NRG1: variants seen among roughly 807,000 people sequenced by gnomAD.
NRG1 encodes pro-neuregulin-1, membrane-bound isoform.
Under a neutral mutation model 63.8 loss-of-function variants are expected in NRG1, and 18 were observed. The observed-to-expected ratio is 0.28, with a 90% CI of 0.19 to 0.42. NRG1 has a LOEUF of 0.42. NRG1 is among the 10% of genes least tolerant of loss of function. The pLI is 1.00. For missense variants in NRG1, 762 were observed against 814.7 expected (o/e 0.94, Z 0.79); for synonymous variants, 302 against 301.3 (o/e 1.00, Z -0.02).
chr8:32,514,995 T>G (rs1379701180), intron 1 of NRG1, among the ~76,000 whole-genome samples: 1 of 87,744 alleles, frequency 1.1e-5, no homozygotes, highest in Non-Finnish European at 2.2e-5. Flanking sequence ...GGTGTATACA[T>G]ATCACATTTT....
chr8:31,851,765 C>G (rs1319900407), intron 1 of NRG1, among the ~76,000 whole-genome samples: 2 of 121,788 alleles, frequency 1.6e-5, no homozygotes, highest in Non-Finnish European at 3.3e-5. Flanking sequence ...CCCCTCCCCC[C>G]ACCCCACAAC....
chr8:31,968,928 A>G (rs1806827789), intron 1 of NRG1, among the ~76,000 whole-genome samples: 1 of 152,230 alleles, frequency 6.6e-6, no homozygotes, highest in Non-Finnish European at 1.5e-5. Context: ...GTAAGAATGC[A>G]GGTCTCTATG....
intron 2 of NRG1, among the ~76,000 whole-genome samples, chr8:32,604,719 C>T (rs2129539330): frequency 6.6e-6 from 1 of 152,192 alleles, no homozygotes; most frequent in Admixed American, 6.5e-5. Context: ...AGGGGCATGC[C>T]ACCACACCAG....
intron 5 of NRG1, among the ~76,000 whole-genome samples, chr8:32,662,782 G>A (rs910576683): frequency 6.6e-6 from 1 of 152,142 alleles, no homozygotes; most frequent in African/African-American, 2.4e-5. Context: ...GTAGTTGAAA[G>A]GATACGGTTA....
chr8:32,630,753 A>G (rs1387616141), intron 5 of NRG1, among the ~76,000 whole-genome samples: 1 of 148,672 alleles, frequency 6.7e-6, no homozygotes, highest in Admixed American at 6.7e-5. Flanking sequence ...TTCAGGCAAG[A>G]TGGCATTCTC....
intron 1 of NRG1, among the ~76,000 whole-genome samples, chr8:32,392,251 C>A (rs1365295075): frequency 3.3e-5 from 5 of 152,168 alleles, no homozygotes; most frequent in African/African-American, 1.2e-4. Flanking sequence ...CTGACAGCAG[C>A]TTGAGACAGG....
chr8:31,852,391 G>T (rs1827335865), intron 1 of NRG1, among the ~76,000 whole-genome samples: 1 of 151,944 alleles, frequency 6.6e-6, no homozygotes, highest in Non-Finnish European at 1.5e-5. Context: ...GTGTTTTTTG[G>T]CTGCATAAAT....
chr8:31,659,746 T>A (rs553362954), intron 1 of NRG1, among the ~76,000 whole-genome samples: 1 of 152,342 alleles, frequency 6.6e-6, no homozygotes, highest in East Asian at 1.9e-4. Context: ...TCTTGCTGCA[T>A]GCTCTGTGGA....
In NRG1 at chr8:32,097,540, C is replaced by G. The variant is rs150064854; in HGVS notation, c.37+458109C>G. On this transcript the variant is annotated intron_variant, in intron 1 of 10. Coordinates refer to the NRG1 transcript ENST00000519301. ...GTCTTTTTGATAATAACCATACTAA[C>G]TAGGGTAAGATAATACCTCATTGTG... 8.8e-4 allele frequency among the ~76,000 whole-genome samples: 134 copies of G among 152,196 alleles called. 4 individuals are homozygous for G. In the East Asian group the frequency reaches 0.025, roughly 28 times the overall value.
intron 1 of NRG1, among the ~76,000 whole-genome samples, chr8:31,740,025 A>T (rs1422577606): frequency 6.6e-6 from 1 of 152,026 alleles, no homozygotes; most frequent in Non-Finnish European, 1.5e-5. Flanking sequence ...TAAAAAATTT[A>T]GTTAGCTATA....
At chr8:31,743,915 T>C (rs1815579753) in intron 1 of NRG1, among the ~76,000 whole-genome samples, 1 of 152,030 alleles carries the variant, frequency 6.6e-6, no homozygotes, top group African/African-American at 2.4e-5. Flanking sequence ...AGCTTTGTTT[T>C]GAAGCCGAGG....
At chr8:32,459,935 C>T (rs1354853772) in intron 1 of NRG1, among the ~76,000 whole-genome samples, 1 of 152,244 alleles carries the variant, frequency 6.6e-6, no homozygotes, top group East Asian at 1.9e-4. Context: ...GGCCTTCTCT[C>T]ACCTCAGGCT....
At chr8:31,719,219 A>G (rs1261754137) in intron 1 of NRG1, among the ~76,000 whole-genome samples, 1 of 152,304 alleles carries the variant, frequency 6.6e-6, no homozygotes, top group East Asian at 1.9e-4. Context: ...AGTTTCAGGC[A>G]TACCTTCTTC....
intron 1 of NRG1, among the ~76,000 whole-genome samples, chr8:32,095,669 T>C (rs1224703289): frequency 6.6e-6 from 1 of 152,220 alleles, no homozygotes; most frequent in East Asian, 1.9e-4. Context: ...TATATCTCTG[T>C]TCTGGGCAAA....
At chr8:32,363,086 C>G (rs368702524) in intron 1 of NRG1, among the ~76,000 whole-genome samples, 5 of 152,192 alleles carry the variant, frequency 3.3e-5, no homozygotes, top group South Asian at 4.1e-4. Context: ...TTGTATCCCT[C>G]TTGGTGCCTC....
At chr8:32,349,601 G>T (rs1805336804) in intron 1 of NRG1, among the ~76,000 whole-genome samples, 1 of 152,188 alleles carries the variant, frequency 6.6e-6, no homozygotes, top group African/African-American at 2.4e-5. Flanking sequence ...AAAGATCTAA[G>T]AAGAATGAGA....
intron 1 of NRG1, among the ~76,000 whole-genome samples, chr8:32,417,474 T>C (rs552861145): frequency 6.6e-6 from 1 of 152,244 alleles, no homozygotes; most frequent in East Asian, 1.9e-4. Context: ...GGATAGAATG[T>C]ATATCAGAAG....
chr8:32,682,130 A>G (rs1175697749), intron 5 of NRG1, among the ~76,000 whole-genome samples: 1 of 152,152 alleles, frequency 6.6e-6, no homozygotes, highest in African/African-American at 2.4e-5. Flanking sequence ...AAATGACTGG[A>G]AAGTTTTTGC....
In NRG1 at chr8:32,164,825, T is replaced by C. The variant is rs1839230079; in HGVS notation, c.38-431003T>C. On this transcript the variant is annotated intron_variant, in intron 1 of 10. Transcript: ENST00000519301. The stretch of plus-strand genomic sequence containing the variant: ...CAATAAAATTGTTCCTTTTCCCATA[T>C]AAATGGTTATGCCTTTGGGCCAATT... Among the ~76,000 whole-genome samples, 3 of 152,200 alleles carry C rather than the reference T, an allele frequency of 2.0e-5. No individual in the cohort carries two copies. The South Asian group carries it at 6.2e-4, about 32-fold the overall frequency.
Sources: allele counts gnomAD v4.1 joint callset (sites outside exome capture counted in the v4.1 genomes callset), GRCh38; gene constraint gnomAD v4.1.1; transcripts MANE v1.5; gene names NCBI Gene and HGNC (gene_info 2026-07-23, HGNC 2026-07-21).